The following RPL27A variants were observed in gnomAD, a reference collection of about 807,000 sequenced individuals.
RPL27A encodes the protein large ribosomal subunit protein uL15.
For missense variants in RPL27A, 118 were observed against 189.4 expected, an observed-to-expected ratio of 0.62 and a Z score of 2.21; for synonymous variants, 69 against 68.3, an observed-to-expected ratio of 1.01 and a Z score of -0.05.
Position 8,682,836 on chromosome 11 carries a change from C to A in RPL27A, c.3+20C>A. 1.2e-6 allele frequency: 2 copies of A among 1,609,548 alleles called. No individual in the cohort carries two copies. The highest frequency in any genetic ancestry group is 1.7e-6 in the Non-Finnish European group (2 of 1,177,650). On this transcript the variant is annotated intron_variant, in intron 1 of 4. Coordinates refer to ENST00000314138, the MANE Select transcript of RPL27A (RefSeq NM_000990.5). ...AACATGGTAGGTGTTTCGTTTCTTG[C>A]CTCCTCTTCCTTGCCGGCGGAGACC...
At chr11:8,684,334 C>CG in intron 3 of RPL27A, 1 of 739,830 alleles carries the variant, frequency 1.4e-6, no homozygotes, top group South Asian at 1.4e-5. Context: ...ATGGCACAGT[C>CG]AGTCACCAGG....
In RPL27A at chr11:8,689,258, A is replaced by G. The variant is rs750540407; in HGVS notation, c.*3452A>G. On this transcript the variant is annotated 3_prime_UTR_variant, in exon 5 of 5. Transcript: ENST00000314138. Reference sequence around the variant, plus strand: ...AACAGTGGGCGTGGCCTTTACGTAAATCTTCGAGATGGGAACCTCCAGAAT... The same window carrying G: ...AACAGTGGGCGTGGCCTTTACGTAAGTCTTCGAGATGGGAACCTCCAGAAT... 9 of 152,208 alleles carry G rather than the reference A, an allele frequency of 5.9e-5. No homozygotes were observed. Among genetic ancestry groups the G allele is most frequent in the Non-Finnish European group, 1.3e-4 (9 of 68,040 alleles). 9.4% of individuals were successfully genotyped at this position (152,208 alleles called of 1,614,324 possible). A position where few individuals can be genotyped will look rare whatever the true frequency, so the allele number is the denominator to read the frequency against.
Position 8,685,849 on chromosome 11 carries a change from C to T in RPL27A, c.*43C>T, listed in dbSNP as rs368562036. 91 of 1,605,324 alleles carry T rather than the reference C, an allele frequency of 5.7e-5. No individual in the cohort carries two copies. Among genetic ancestry groups the T allele is most frequent in the Non-Finnish European group, 7.4e-5 (87 of 1,174,932 alleles). On this transcript the variant is annotated 3_prime_UTR_variant, in exon 5 of 5. Transcript: ENST00000314138. Reference sequence around the variant, plus strand: ...TTCATTAAATGCTAACTACTTTTTCCTTGTGGTGTGAGTGTAGGTTCTTCA... The same window carrying T: ...TTCATTAAATGCTAACTACTTTTTCTTTGTGGTGTGAGTGTAGGTTCTTCA...
chr11:8,684,908 GT>G lies in RPL27A; in HGVS notation c.318+21del, dbSNP rs2133617355. ...GGTGCGATCGGTAAGTTAATTGGAT[GT>G]TTTTCTGTACTTCCATACCTTCCCT... is the stretch of plus-strand genomic sequence containing the variant. On this transcript the variant is annotated intron_variant, in intron 4 of 4. Coordinates refer to ENST00000314138, the MANE Select transcript of RPL27A (RefSeq NM_000990.5). The G allele has an allele frequency of 6.2e-7, 1 of 1,613,604 alleles. No homozygotes were observed.
In RPL27A at chr11:8,689,342, A is replaced by T. The variant is rs1203523114; in HGVS notation, c.*3536A>T. 2 of 152,246 alleles carry T rather than the reference A, an allele frequency of 1.3e-5. No homozygotes were observed. Among genetic ancestry groups the T allele is most frequent in the Non-Finnish European group, 2.9e-5 (2 of 68,042 alleles). The allele number at this position is 152,246 out of a possible 1,614,324, so 9.4% of individuals were successfully genotyped here. A position where few individuals can be genotyped will look rare whatever the true frequency, so the allele number is the denominator to read the frequency against. On this transcript the variant is annotated 3_prime_UTR_variant, in exon 5 of 5. Transcript: ENST00000314138. ...GCGACATTCAAGGGCACTTTGGGCT[A>T]AAAAAGAAAGTGCTTGTACACGGAT...
rs143175854 is a variant in RPL27A, at chr11:8,688,336, C to T, written c.*2530C>T. On this transcript the variant is annotated 3_prime_UTR_variant, in exon 5 of 5. Transcript: ENST00000314138. ...CTTCCCCAGGAGTTGTTAGGCCATCCGATCCCCTGGCCTGGGAAAGAAACA... is the reference window on the plus strand; with the variant it reads ...CTTCCCCAGGAGTTGTTAGGCCATCTGATCCCCTGGCCTGGGAAAGAAACA... The T allele has an allele frequency of 6.6e-6, 1 of 152,318 alleles. No individual in the cohort carries two copies. Among genetic ancestry groups the T allele is most frequent in the East Asian group, 1.9e-4 (1 of 5,184 alleles). The allele number at this position is 152,318 out of a possible 1,614,324, so 9.4% of individuals were successfully genotyped here.
intron 1 of RPL27A, 54 bp downstream of exon 1, chr11:8,682,870 G>T: frequency 2.5e-6 from 4 of 1,577,952 alleles, no homozygotes; most frequent in Non-Finnish European, 3.4e-6. Context: ...CCCCTAAGCT[G>T]TATTCCCATT....
In RPL27A at chr11:8,686,810, G is replaced by T. The variant is rs1481767248; in HGVS notation, c.*1004G>T. ...CATGTTTACAAATAAGATCCTCATA[G>T]ATCTCGGTAAATTATAATTTGCTAC... On this transcript the variant is annotated 3_prime_UTR_variant, in exon 5 of 5. Transcript: ENST00000314138. 1 of 152,168 alleles carries T rather than the reference G, an allele frequency of 6.6e-6. No individual in the cohort carries two copies. The highest frequency in any genetic ancestry group is 1.5e-5 in the Non-Finnish European group (1 of 68,034). The allele number at this position is 152,168 out of a possible 1,614,324, so 9.4% of individuals were successfully genotyped here.
At position 8,683,206 on chromosome 11, in the gene RPL27A, C is replaced by G. The variant is rs2039523988; in HGVS notation, c.8C>G (p.Ser3Cys). The G allele has an allele frequency of 1.9e-6, 3 of 1,614,098 alleles. No homozygotes were observed. Among genetic ancestry groups the G allele is most frequent in the Non-Finnish European group, 2.5e-6 (3 of 1,180,012 alleles). The change falls in exon 2 of 5, where the codon TCC becomes TGC. Residue 3 changes from serine to cysteine, a missense_variant. Transcript: ENST00000314138. ...CACCAAGCTTTTTCCACACAGCCATCCAGACTGAGGAAGACCCGGAAACTT... is the reference window on the plus strand; with the variant it reads ...CACCAAGCTTTTTCCACACAGCCATGCAGACTGAGGAAGACCCGGAAACTT... Reference protein sequence around the residue: MPSRLRKTRKLRG... With the variant: MPCRLRKTRKLRG...
Position 8,683,222 on chromosome 11 carries a change from C to T in RPL27A, c.24C>T (p.Thr8=), listed in dbSNP as rs779824142. The T allele has an allele frequency of 1.2e-6, 2 of 1,614,248 alleles. No individual in the cohort carries two copies. The highest frequency in any genetic ancestry group is 3.3e-5 in the Admixed American group (2 of 60,026). The change falls in exon 2 of 5, where the codon ACC becomes ACT. Residue 8 remains threonine (T), a synonymous_variant. Coordinates refer to ENST00000314138, the MANE Select transcript of RPL27A (RefSeq NM_000990.5). The part of the protein sequence containing the change: MPSRLRK[T]RKLRGHVSHG... The stretch of plus-strand genomic sequence containing the variant: ...CACAGCCATCCAGACTGAGGAAGAC[C>T]CGGAAACTTAGGGGCCACGTGAGCC...
intron 2 of RPL27A, 91 bp downstream of exon 2, chr11:8,683,356 T>C: frequency 9.0e-7 from 1 of 1,105,136 alleles, no homozygotes; most frequent in Non-Finnish European, 1.4e-6. Context: ...TGGGTTAGAA[T>C]AAGACCTTTT....
chr11:8,683,986 G>C lies in RPL27A; in HGVS notation c.68-20G>C, dbSNP rs745995983. ...GCATGAGCCATCACACCGGCCCCACGTAGCTTTGTATTCCTGCAGGCAAGC... is the reference window on the plus strand; with the variant it reads ...GCATGAGCCATCACACCGGCCCCACCTAGCTTTGTATTCCTGCAGGCAAGC... On this transcript the variant is annotated intron_variant, in intron 2 of 4. Transcript: ENST00000314138. The C allele has an allele frequency of 1.2e-6, 2 of 1,606,504 alleles. No individual in the cohort carries two copies. The highest frequency in any genetic ancestry group is 8.5e-7 in the Non-Finnish European group (1 of 1,177,816).
At position 8,684,061 on chromosome 11, in the gene RPL27A, C is replaced by T. The variant is rs1268724112; in HGVS notation, c.123C>T (p.His41=). 3.1e-6 allele frequency: 5 copies of T among 1,613,580 alleles called. No homozygotes were observed. The highest frequency in any genetic ancestry group is 3.4e-6 in the Non-Finnish European group (4 of 1,179,874). Residue 41 remains histidine, a synonymous_variant, in exon 3 of 5, where the codon CAC becomes CAT. Transcript: ENST00000314138. ...GRGNAGGLHH[H]RINFDKYHPG... ...GTAATGCTGGTGGTCTGCATCACCA[C>T]CGGATCAACTTCGACAAATAGTAAG... is the stretch of plus-strand genomic sequence containing the variant.
intron 4 of RPL27A, chr11:8,685,355 C>T: frequency 1.8e-6 from 1 of 565,344 alleles, no homozygotes; most frequent in Non-Finnish European, 3.4e-6. Flanking sequence ...ATTTAATGTC[C>T]ATTGAGTAGT....
At chr11:8,684,690 T>C (rs767553544) in intron 3 of RPL27A, 28 bp from the exon 4 acceptor site, 1 of 1,602,500 alleles carries the variant, frequency 6.2e-7, no homozygotes, top group Non-Finnish European at 8.5e-7. Flanking sequence ...TTGGAGTGTG[T>C]ATGAAGGTGG....
rs1023425127 is a variant in RPL27A, at chr11:8,689,017, C to G, written c.*3211C>G. On this transcript the variant is annotated 3_prime_UTR_variant, in exon 5 of 5. Coordinates refer to ENST00000314138, the MANE Select transcript of RPL27A (RefSeq NM_000990.5). The stretch of plus-strand genomic sequence containing the variant: ...CTACTTCCGGAGACGATGACTCCCC[C>G]GCGTCCCAGACCGGAAGAAGCCCGG... The G allele has an allele frequency of 2.6e-5, 4 of 152,306 alleles. No homozygotes were observed. In the East Asian group the frequency reaches 7.7e-4, roughly 29 times the overall value. The allele number at this position is 152,306 out of a possible 1,614,324, so 9.4% of individuals were successfully genotyped here.
In RPL27A at chr11:8,687,330, T is replaced by G. The variant is rs1054825158; in HGVS notation, c.*1524T>G. The G allele has an allele frequency of 6.6e-6, 1 of 150,670 alleles. No individual in the cohort carries two copies. Among genetic ancestry groups the G allele is most frequent in the Non-Finnish European group, 1.5e-5 (1 of 68,078 alleles). 9.3% of individuals were successfully genotyped at this position (150,670 alleles called of 1,614,324 possible). On this transcript the variant is annotated 3_prime_UTR_variant, in exon 5 of 5. Transcript: ENST00000314138. Reference sequence around the variant, plus strand: ...AGGAGAATCTCCAGGAGGCGGAGGTTGCTGTGAGCCGAGATCGTGCCATTG... The same window carrying G: ...AGGAGAATCTCCAGGAGGCGGAGGTGGCTGTGAGCCGAGATCGTGCCATTG...
Position 8,687,166 on chromosome 11 carries a change from T to G in RPL27A, c.*1360T>G, listed in dbSNP as rs1406687392. 1 of 152,266 alleles carries G rather than the reference T, an allele frequency of 6.6e-6. No individual in the cohort carries two copies. The highest frequency in any genetic ancestry group is 1.5e-5 in the Non-Finnish European group (1 of 68,048). The allele number at this position is 152,266 out of a possible 1,614,324, so 9.4% of individuals were successfully genotyped here. On this transcript the variant is annotated 3_prime_UTR_variant, in exon 5 of 5. Coordinates refer to ENST00000314138, the MANE Select transcript of RPL27A (RefSeq NM_000990.5). Reference sequence around the variant, plus strand: ...TGTATCATTTGGCTTGTATCTTCTGTTGTGCTGGAGAAGTTAGAAATAAGG... The same window carrying G: ...TGTATCATTTGGCTTGTATCTTCTGGTGTGCTGGAGAAGTTAGAAATAAGG...
Position 8,683,279 on chromosome 11 carries a change from T to C in RPL27A, c.67+14T>C. The stretch of plus-strand genomic sequence containing the variant: ...ACGGCCGCATAGGTAAGTGCCGGCT[T>C]CCCCTCGGGGTGGGCCTTGGGCTCT... On this transcript the variant is annotated intron_variant, in intron 2 of 4. Coordinates refer to ENST00000314138, the MANE Select transcript of RPL27A (RefSeq NM_000990.5). The C allele has an allele frequency of 1.2e-6, 2 of 1,613,548 alleles. No individual in the cohort carries two copies. Among genetic ancestry groups the C allele is most frequent in the South Asian group, 2.2e-5 (2 of 91,070 alleles).
Sources: allele counts gnomAD v4.1 joint callset, GRCh38; gene constraint gnomAD v4.1.1; transcripts MANE v1.5; gene names NCBI Gene and HGNC (gene_info 2026-07-23, HGNC 2026-07-21).